The following JAK2 variants were observed in gnomAD, a reference collection of about 807,000 sequenced individuals.
The protein encoded by JAK2 is Janus kinase 2.
JAK2 carries 86 observed loss-of-function variants against 139.3 expected under a neutral mutation model. That is an observed-to-expected ratio of 0.62 (90% confidence interval 0.52 to 0.74). JAK2 has a LOEUF of 0.74. Ranked by LOEUF, JAK2 falls within the 30% of genes least tolerant of loss-of-function variation. The pLI, the probability that JAK2 is intolerant of heterozygous loss-of-function variation, is 0.00. For missense variants in JAK2, 1,421 were observed against 1,360.3 expected (o/e 1.04, Z -0.70); for synonymous variants, 490 against 437.7 (o/e 1.12, Z -1.49).
At chr9:5,039,063 A>G (rs1466770902) in intron 4 of JAK2, among the ~76,000 whole-genome samples, 1 of 152,146 alleles carries the variant, frequency 6.6e-6, no homozygotes, top group Non-Finnish European at 1.5e-5. Context: ...CTTATTAGTG[A>G]AAGACTGAAT....
In JAK2 at chr9:5,124,570, T is replaced by C. The variant is rs147906148; in HGVS notation, c.3177+1449T>C. Among the ~76,000 whole-genome samples the C allele has an allele frequency of 6.7e-4, 101 of 151,818 alleles. No individual in the cohort carries two copies. In the East Asian group the frequency reaches 0.017, roughly 26 times the overall value. On this transcript the variant is annotated intron_variant, in intron 23 of 24. Transcript: ENST00000381652. ...TTAGAAAAAACAATCCTAAAATTCA[T>C]AGGGAACCAAAAAGAGCCCTAATAG... is the stretch of plus-strand genomic sequence containing the variant.
chr9:5,054,894 A>T lies in JAK2; in HGVS notation c.936+10A>T. The T allele has an allele frequency of 6.5e-7, 1 of 1,540,530 alleles. No homozygotes were observed. The highest frequency in any genetic ancestry group is 8.8e-7 in the Non-Finnish European group (1 of 1,132,238). On this transcript the variant is annotated intron_variant, in intron 7 of 24. Transcript: ENST00000381652. The surrounding 1 kb of genome is among the most constrained non-coding windows in gnomAD (Gnocchi z 4.9). The stretch of plus-strand genomic sequence containing the variant: ...GACACTGACAGAACAGGTAATCCTT[A>T]ATGATATGTTCTTGTTCTTTGTTAT...
At chr9:5,090,689 A>C (rs558321542) in intron 21 of JAK2, 50 bp from the exon 22 acceptor site, 16 of 1,544,622 alleles carry the variant, frequency 1.0e-5, no homozygotes, top group South Asian at 5.0e-5. Context: ...AGACCATTTA[A>C]ATTGTTTATA....
chr9:5,086,100 G>T, intron 19 of JAK2: 1 of 534,310 alleles, frequency 1.9e-6, no homozygotes, highest in South Asian at 2.0e-5. Context: ...CTGCCTATGA[G>T]CCTGCGCGGG....
At chr9:5,043,588 T>A (rs565936729) in intron 4 of JAK2, among the ~76,000 whole-genome samples, 1 of 152,360 alleles carries the variant, frequency 6.6e-6, no homozygotes, top group African/African-American at 2.4e-5. Flanking sequence ...TCAGCAATTC[T>A]ACTTCTAGAT....
intron 2 of JAK2, among the ~76,000 whole-genome samples, chr9:4,998,260 T>G (rs991056683): frequency 1.3e-5 from 2 of 152,030 alleles, no homozygotes; most frequent in Non-Finnish European, 2.9e-5. Context: ...AACGGGTTTT[T>G]TTGTTGTTGT....
chr9:5,122,021 T>C (rs764082051), intron 22 of JAK2, among the ~76,000 whole-genome samples: 43 of 152,240 alleles, frequency 2.8e-4, no homozygotes, highest in Non-Finnish European at 5.4e-4. Flanking sequence ...AAAAAGAATA[T>C]AGCATTAGGA....
chr9:5,082,679 C>CT (rs1433557130), intron 19 of JAK2, among the ~76,000 whole-genome samples: 4 of 152,264 alleles, frequency 2.6e-5, no homozygotes. Flanking sequence ...CATTACCCGG[C>CT]TTTCCAGGGC....
intron 16 of JAK2, 135 bp downstream of exon 16, chr9:5,078,579 C>T: frequency 1.4e-6 from 1 of 696,022 alleles, no homozygotes; most frequent in South Asian, 2.4e-5. Context: ...TCACTTTTAG[C>T]AATTTAAATT....
intron 14 of JAK2, among the ~76,000 whole-genome samples, chr9:5,074,364 A>G (rs902694323): frequency 6.6e-6 from 1 of 152,116 alleles, no homozygotes; most frequent in Non-Finnish European, 1.5e-5. Flanking sequence ...GTTTACGGCA[A>G]CCCAGTGTCT....
At chr9:5,123,158 TGTTC>T in intron 23 of JAK2, 37 bp downstream of exon 23, 4 of 1,385,954 alleles carry the variant, frequency 2.9e-6, no homozygotes, top group Non-Finnish European at 4.0e-6. Context: ...GTTTTTTGTT[TGTTC>T]GTTTGATTTT....
At chr9:5,112,500 AG>A in intron 22 of JAK2, 1 of 560,972 alleles carries the variant, frequency 1.8e-6, no homozygotes, top group East Asian at 3.2e-5. Flanking sequence ...ACGAGGAGGA[AG>A]ATGACCTTTT....
chr9:5,049,242 G>A (rs1817245672), intron 5 of JAK2, among the ~76,000 whole-genome samples: 1 of 152,078 alleles, frequency 6.6e-6, no homozygotes, highest in Admixed American at 6.6e-5. Context: ...CTCTGCCAAT[G>A]GAAGAGACAT....
intron 2 of JAK2, among the ~76,000 whole-genome samples, chr9:4,987,443 G>C (rs1308278173): frequency 6.6e-6 from 1 of 152,098 alleles, no homozygotes. Flanking sequence ...CTTAAGAGTT[G>C]CATTATTTAC....
chr9:5,106,344 G>T (rs1821951614), intron 22 of JAK2, among the ~76,000 whole-genome samples: 1 of 152,190 alleles, frequency 6.6e-6, no homozygotes, highest in Non-Finnish European at 1.5e-5. Flanking sequence ...AAACCACAAT[G>T]AGATACCATC....
At chr9:5,115,188 A>T (rs1823038929) in intron 22 of JAK2, among the ~76,000 whole-genome samples, 3 of 152,204 alleles carry the variant, frequency 2.0e-5, no homozygotes, top group Non-Finnish European at 4.4e-5. Context: ...TAATATCAAG[A>T]ATCTACAAAG....
chr9:5,107,195 C>T (rs973346030), intron 22 of JAK2, among the ~76,000 whole-genome samples: 2 of 152,114 alleles, frequency 1.3e-5, no homozygotes, highest in African/African-American at 4.8e-5. Context: ...TTCCAATCAA[C>T]TAGTTTCGAT....
chr9:5,110,079 C>A (rs1822322483), intron 22 of JAK2: 1 of 152,152 alleles, frequency 6.6e-6, no homozygotes, highest in Non-Finnish European at 1.5e-5. Flanking sequence ...CATTCTAAAC[C>A]CTACCTCTAA....
At chr9:5,084,902 T>A (rs896850341) in intron 19 of JAK2, 10 of 453,502 alleles carry the variant, frequency 2.2e-5, no homozygotes, top group African/African-American at 2.0e-4. Flanking sequence ...TTAAAATGAT[T>A]TTTGGTTATC....
Sources: allele counts gnomAD v4.1 joint callset (sites outside exome capture counted in the v4.1 genomes callset), GRCh38; gene constraint gnomAD v4.1.1; non-coding constraint Gnocchi (gnomAD v3.1); transcripts MANE v1.5; gene names NCBI Gene and HGNC (gene_info 2026-07-23, HGNC 2026-07-21).